Variants in KCNQ5 observed in about 807,000 individuals in gnomAD.
The protein encoded by KCNQ5 is potassium voltage-gated channel subfamily Q member 5.
In KCNQ5, 30 loss-of-function variants were observed where a neutral mutation model predicts 98.2. The observed-to-expected ratio is 0.31, with a 90% CI of 0.23 to 0.41. The LOEUF (loss-of-function observed/expected upper bound fraction) is 0.41, where lower values mean the gene tolerates loss of function less well. KCNQ5 is among the 10% of genes least tolerant of loss of function. The pLI, the probability that KCNQ5 is intolerant of heterozygous loss-of-function variation, is 1.00. For missense variants in KCNQ5, 835 were observed against 1,182.5 expected, an observed-to-expected ratio of 0.71 and a Z score of 4.31; for synonymous variants, 458 against 449.4, an observed-to-expected ratio of 1.02 and a Z score of -0.24.
chr6:72,625,003 C>A (rs1026722112), intron 1 of KCNQ5, among the ~76,000 whole-genome samples: 1 of 152,174 alleles, frequency 6.6e-6, no homozygotes, highest in Non-Finnish European at 1.5e-5. Flanking sequence ...TAATTCCCTG[C>A]CAGCTTGGGA....
intron 1 of KCNQ5, among the ~76,000 whole-genome samples, chr6:72,642,625 T>C (rs1765380335): frequency 6.6e-6 from 1 of 152,130 alleles, no homozygotes; most frequent in Admixed American, 6.5e-5. Context: ...CTGGCAATGT[T>C]GTGGAGAAAA....
intron 1 of KCNQ5, among the ~76,000 whole-genome samples, chr6:72,676,692 T>C (rs1767425384): frequency 6.6e-6 from 1 of 151,984 alleles, no homozygotes; most frequent in Admixed American, 6.5e-5. Context: ...TGTTTATATC[T>C]ATTTTTGCTT....
chr6:72,644,750 G>A (rs192822965), intron 1 of KCNQ5, among the ~76,000 whole-genome samples: 2 of 152,044 alleles, frequency 1.3e-5, no homozygotes, highest in African/African-American at 4.8e-5. Flanking sequence ...TTTACTGTGT[G>A]CATCCCGTAG....
chr6:72,658,581 T>A (rs1037484912), intron 1 of KCNQ5, among the ~76,000 whole-genome samples: 2,405 of 115,464 alleles, frequency 0.021, 25 homozygotes, highest in East Asian at 0.054. Context: ...TATATATATT[T>A]TTTTTTTTTT....
intron 1 of KCNQ5, among the ~76,000 whole-genome samples, chr6:72,762,718 T>G (rs1772350595): frequency 1.3e-5 from 2 of 152,122 alleles, no homozygotes. Flanking sequence ...GATAGTGTGT[T>G]GTGATTAAAT....
intron 1 of KCNQ5, among the ~76,000 whole-genome samples, chr6:72,802,782 G>A (rs954228865): frequency 3.3e-5 from 5 of 152,036 alleles, no homozygotes; most frequent in Admixed American, 1.3e-4. Flanking sequence ...CAGAGCCCCC[G>A]GCCCTGACCC....
chr6:72,778,774 A>G (rs762166361), intron 1 of KCNQ5, among the ~76,000 whole-genome samples: 4 of 152,226 alleles, frequency 2.6e-5, no homozygotes, highest in Non-Finnish European at 4.4e-5. Flanking sequence ...AAAAATTTTA[A>G]AAAAATCAAC....
intron 11 of KCNQ5, among the ~76,000 whole-genome samples, chr6:73,183,421 A>C (rs1778467531): frequency 6.6e-6 from 1 of 152,052 alleles, no homozygotes; most frequent in Non-Finnish European, 1.5e-5. Flanking sequence ...GCCAAGCACA[A>C]CTCTTGGAGA....
intron 1 of KCNQ5, among the ~76,000 whole-genome samples, chr6:72,817,490 G>A (rs1380214144): frequency 7.2e-5 from 11 of 152,204 alleles, no homozygotes; most frequent in Non-Finnish European, 1.5e-4. Flanking sequence ...TCAGAAAAAT[G>A]TATTAAAATT....
intron 1 of KCNQ5, among the ~76,000 whole-genome samples, chr6:72,870,287 G>A (rs1778149797): frequency 6.6e-6 from 1 of 151,944 alleles, no homozygotes; most frequent in Non-Finnish European, 1.5e-5. Flanking sequence ...GTTTTGTTTT[G>A]TTTTGGAGAC....
At chr6:72,884,302 G>A (rs954071447) in intron 1 of KCNQ5, among the ~76,000 whole-genome samples, 8 of 152,036 alleles carry the variant, frequency 5.3e-5, no homozygotes, top group African/African-American at 1.9e-4. Flanking sequence ...TTCATTGTTG[G>A]TTTTTATAGA....
At chr6:72,935,244 T>C (rs2150233287) in intron 1 of KCNQ5, among the ~76,000 whole-genome samples, 1 of 152,054 alleles carries the variant, frequency 6.6e-6, no homozygotes, top group East Asian at 1.9e-4. Context: ...CTAATTTTTG[T>C]ATTTTTAGTA....
intron 3 of KCNQ5, among the ~76,000 whole-genome samples, chr6:73,046,611 C>CTATTTTATTT (rs59114459): frequency 0.56 from 71,808 of 127,984 alleles, 23,081 homozygotes; most frequent in Non-Finnish European, 0.71. Context: ...TTATTTTATT[C>CTATTTTATTT]TATTTTATTT....
rs566538465 is a variant in KCNQ5, at chr6:72,870,448, G to A, written c.399-133460G>A. 3.3e-5 allele frequency among the ~76,000 whole-genome samples: 5 copies of A among 151,972 alleles called. No individual in the cohort carries two copies. In the East Asian group the frequency reaches 5.8e-4, roughly 18 times the overall value. On this transcript the variant is annotated intron_variant, in intron 1 of 13. Transcript: ENST00000370398. The stretch of plus-strand genomic sequence containing the variant: ...TATTTTTTTGTAGACATGGGGTTTC[G>A]CCATGTTGTCCAGGCTGCTCTCGGA...
chr6:72,852,640 A>AATATATAT (rs140435793), intron 1 of KCNQ5, among the ~76,000 whole-genome samples: 665 of 56,772 alleles, frequency 0.012, 143 homozygotes, highest in African/African-American at 0.05. Flanking sequence ...ATGAAGGGGA[A>AATATATAT]ATATATATAT....
chr6:72,638,847 C>G (rs1011143256), intron 1 of KCNQ5, among the ~76,000 whole-genome samples: 1 of 152,174 alleles, frequency 6.6e-6, no homozygotes, highest in Non-Finnish European at 1.5e-5. Flanking sequence ...TGACAAGGAC[C>G]TGGACTGCAG....
At chr6:72,729,099 C>A (rs1014003910) in intron 1 of KCNQ5, among the ~76,000 whole-genome samples, 1 of 152,096 alleles carries the variant, frequency 6.6e-6, no homozygotes, top group African/African-American at 2.4e-5. Flanking sequence ...AGAGTGCCCT[C>A]ATTTTTTAGA....
intron 5 of KCNQ5, among the ~76,000 whole-genome samples, chr6:73,103,098 C>A (rs1774855275): frequency 6.6e-6 from 1 of 152,144 alleles, no homozygotes; most frequent in African/African-American, 2.4e-5. Context: ...CATATATACA[C>A]AATGGAGTAC....
intron 2 of KCNQ5, among the ~76,000 whole-genome samples, chr6:73,035,780 C>CT (rs1197981759): frequency 6.6e-6 from 1 of 152,076 alleles, no homozygotes; most frequent in Non-Finnish European, 1.5e-5. Context: ...CTGGCAATGG[C>CT]TTTTTTAAAT....
Sources: gnomAD v4.1 joint callset for allele counts (sites outside exome capture counted in the v4.1 genomes callset) on GRCh38, gnomAD v4.1.1 for gene constraint, MANE v1.5 for transcripts, NCBI Gene and HGNC (gene_info 2026-07-23, HGNC 2026-07-21) for gene names.